ARMCX4: variants seen among roughly 807,000 people sequenced by gnomAD.
ARMCX4 encodes the protein armadillo repeat containing X-linked 4, also known as armadillo repeat-containing X-linked protein 4.
ARMCX4 carries 3 observed loss-of-function variants against 34.7 expected under a neutral mutation model. That is an observed-to-expected ratio of 0.09 (90% confidence interval 0.04 to 0.22). The LOEUF is 0.22. ARMCX4 is among the 10% of genes least tolerant of loss of function. The probability of loss-of-function intolerance (pLI) is 1.00; values close to 1 mark genes in which losing one functional copy is unlikely to be tolerated. For synonymous variants in ARMCX4, 513 were observed against 632.8 expected (o/e 0.81, Z 2.84); for missense variants, 1,448 against 1,720.8 (o/e 0.84, Z 2.81).
intron 2 of ARMCX4, among the ~76,000 whole-genome samples, chrX:101,426,830 A>G (rs1189301234): frequency 1.8e-5 from 2 of 111,661 alleles, no homozygotes; most frequent in African/African-American, 6.5e-5. Flanking sequence ...AAAGCCCATG[A>G]TCTTAACCAT....
chrX:101,514,570 G>A (rs1289905711), intron 11 of ARMCX4, among the ~76,000 whole-genome samples: 8 of 112,145 alleles, frequency 7.1e-5, no homozygotes, highest in Admixed American at 6.6e-4. Flanking sequence ...GAGAAGCAAC[G>A]CTGTGTGGAA....
upstream of ARMCX4, among the ~76,000 whole-genome samples, chrX:101,483,016 C>T (rs782258122): frequency 3.8e-5 from 4 of 103,984 alleles, no homozygotes; most frequent in East Asian, 9.2e-4. Flanking sequence ...CTGACTCAGC[C>T]TTGCAAGTAG....
rs1462347211 is a variant in ARMCX4 at position 101,494,970 on chromosome X, A to G, written c.6381A>G (p.Val2127=). The G allele has an allele frequency of 4.3e-6, 5 of 1,153,487 alleles. No individual in the cohort carries two copies. In the African/African-American group the frequency reaches 9.0e-5, roughly 21 times the overall value. The change falls in exon 6 of 6, where the codon GTA becomes GTG. Residue 2127 remains valine, a synonymous_variant. Coordinates refer to ENST00000423738, the MANE Select transcript of ARMCX4 (RefSeq NM_001256155.3). ...HRKVKTYLNQ[V]CEDTVTYPLN... is the part of the protein sequence containing the mutation. ...AGGTTAAAACTTACTTAAACCAAGT[A>G]TGTGAAGACACTGTCACCTATCCCT...
intron 11 of ARMCX4, among the ~76,000 whole-genome samples, chrX:101,528,045 T>G (rs782110088): frequency 9.6e-4 from 107 of 111,508 alleles, no homozygotes; most frequent in African/African-American, 3.2e-3. Context: ...GAGAATTTTA[T>G]ACCAATATCC....
At chrX:101,480,035 T>A (rs1460912890) in intron 4 of ARMCX4, among the ~76,000 whole-genome samples, 2 of 108,916 alleles carry the variant, frequency 1.8e-5, no homozygotes, top group Admixed American at 2.0e-4. Context: ...GATCTGAGTA[T>A]AAATGAGAAT....
chrX:101,476,336 G>T (rs782427750), intron 4 of ARMCX4, among the ~76,000 whole-genome samples: 2 of 108,702 alleles, frequency 1.8e-5, no homozygotes, highest in East Asian at 2.8e-4. Flanking sequence ...GTCCTGTAAT[G>T]ATTTCACATT....
chrX:101,440,616 C>G (rs1156245393), intron 2 of ARMCX4, among the ~76,000 whole-genome samples: 2 of 111,825 alleles, frequency 1.8e-5, no homozygotes, highest in Non-Finnish European at 3.8e-5. Flanking sequence ...CTTTGGTGGG[C>G]TCCACCTAGT....
intron 11 of ARMCX4, among the ~76,000 whole-genome samples, chrX:101,527,283 A>T (rs5951345): frequency 9.1e-6 from 1 of 110,380 alleles, no homozygotes; most frequent in Middle Eastern, 4.2e-3. Flanking sequence ...TTTGAAACCA[A>T]TGAGAACAAA....
upstream of ARMCX4, among the ~76,000 whole-genome samples, chrX:101,483,247 A>C (rs988453712): frequency 2.5e-4 from 28 of 110,854 alleles, no homozygotes; most frequent in Non-Finnish European, 4.9e-4. Flanking sequence ...ATTCTAGTAA[A>C]TATATCTTTG....
rs782089870 is a variant in ARMCX4 at position 101,492,027 on chromosome X, T to A, written c.3438T>A (p.Asp1146Glu). 31 of 1,152,944 alleles carry A rather than the reference T, an allele frequency of 2.7e-5. No individual in the cohort carries two copies. In the South Asian group the frequency reaches 5.5e-4, roughly 21 times the overall value. ...ASIGSWSGAS[D>E]KAGIIRSWAV... is the part of the protein sequence containing the mutation. ...TTGGGTCCTGGAGTGGGGCTAGTGATAAGGCTGGGATTATTCGGTCTTGGG... is the reference window on the plus strand; with the variant it reads ...TTGGGTCCTGGAGTGGGGCTAGTGAAAAGGCTGGGATTATTCGGTCTTGGG... The change falls in exon 6 of 6, where the codon GAT becomes GAA. Residue 1146 changes from aspartate (D) to glutamate (E), a missense_variant. Physicochemically the swap from Asp to Glu is conservative, Grantham distance 45. Transcript: ENST00000423738.
At chrX:101,520,802 A>G (rs1357364944) in intron 11 of ARMCX4, among the ~76,000 whole-genome samples, 1 of 110,787 alleles carries the variant, frequency 9.0e-6, no homozygotes, top group Non-Finnish European at 1.9e-5. Context: ...AAGTTTTTGG[A>G]AGAATTTGTG....
chrX:101,435,522 G>T (rs1179768590), intron 2 of ARMCX4, among the ~76,000 whole-genome samples: 2 of 111,373 alleles, frequency 1.8e-5, no homozygotes, highest in Non-Finnish European at 3.8e-5. Context: ...TGAGTTCATT[G>T]TAGATTCTGG....
chrX:101,426,042 C>T (rs1929602168), intron 2 of ARMCX4, among the ~76,000 whole-genome samples: 4 of 108,974 alleles, frequency 3.7e-5, no homozygotes, highest in South Asian at 3.9e-4. Context: ...AGTCTGGTCT[C>T]GAATTCCAGG....
chrX:101,447,906 C>T (rs782600724), downstream of ARMCX4: 1 of 110,947 alleles, frequency 9.0e-6, no homozygotes, highest in East Asian at 2.8e-4. Context: ...TATAGTCACC[C>T]TGTTGTGCTA....
At chrX:101,503,184 A>G (rs184029268) in intron 7 of ARMCX4, among the ~76,000 whole-genome samples, 4 of 109,918 alleles carry the variant, frequency 3.6e-5, no homozygotes, top group African/African-American at 1.3e-4. Flanking sequence ...CCAGTCTATC[A>G]TTGTTGGACT....
intron 8 of ARMCX4, among the ~76,000 whole-genome samples, chrX:101,506,684 T>C (rs904326350): frequency 2.4e-4 from 26 of 109,282 alleles, no homozygotes; most frequent in African/African-American, 8.8e-4. Flanking sequence ...GGCTTTAACA[T>C]GTGAATTTTG....
intron 10 of ARMCX4, among the ~76,000 whole-genome samples, chrX:101,510,296 C>G (rs142440399): frequency 0.017 from 1,906 of 111,905 alleles, 37 homozygotes; most frequent in African/African-American, 0.058. Context: ...CACATGAGTA[C>G]ATAATTTACT....
intron 11 of ARMCX4, chrX:101,531,597 G>A (rs1556022157): frequency 8.9e-6 from 1 of 111,830 alleles, no homozygotes; most frequent in African/African-American, 3.2e-5. Context: ...CAAAATAATA[G>A]AATAGTGCAA....
At chrX:101,472,590 C>G (rs1932960669) in intron 4 of ARMCX4, among the ~76,000 whole-genome samples, 1 of 48,597 alleles carries the variant, frequency 2.1e-5, no homozygotes, top group Non-Finnish European at 3.3e-5. Flanking sequence ...GGAAGCCCAT[C>G]AGACTAACAG....
Sources: gnomAD v4.1 joint callset for allele counts (sites outside exome capture counted in the v4.1 genomes callset) on GRCh38, gnomAD v4.1.1 for gene constraint, MANE v1.5 for transcripts, NCBI Gene and HGNC (gene_info 2026-07-23, HGNC 2026-07-21) for gene names.